Variants in RBM6 observed in about 807,000 individuals in gnomAD.
RBM6 encodes RNA-binding protein 6.
Under a neutral mutation model 140.4 loss-of-function variants are expected in RBM6, and 23 were observed. The observed-to-expected ratio is 0.16, with a 90% confidence interval of 0.12 to 0.23. The LOEUF (loss-of-function observed/expected upper bound fraction) is 0.23. Ranked by LOEUF, RBM6 falls within the 10% of genes least tolerant of loss-of-function variation. RBM6 has a pLI of 1.00. For missense variants in RBM6, 1,139 were observed against 1,386.7 expected (o/e 0.82, Z 2.84); for synonymous variants, 439 against 475.6 (o/e 0.92, Z 1.00).
intron 6 of RBM6, among the ~76,000 whole-genome samples, chr3:50,004,307 C>G (rs1046188340): frequency 1.3e-4 from 6 of 46,074 alleles, no homozygotes; most frequent in Admixed American, 7.6e-4. Context: ...TTTCTCCCCT[C>G]CCCCCCCTCC....
At chr3:49,962,431 C>CAAA in intron 1 of RBM6, 145 bp from the exon 2 acceptor site, 23 of 430,320 alleles carry the variant, frequency 5.3e-5, no homozygotes, top group Middle Eastern at 6.2e-4. Flanking sequence ...GACTCCATCT[C>CAAA]AAAAAAAAAA....
intron 6 of RBM6, among the ~76,000 whole-genome samples, chr3:50,046,611 G>A (rs576860526): frequency 6.6e-6 from 1 of 150,910 alleles, no homozygotes; most frequent in South Asian, 2.1e-4. Flanking sequence ...AGGAGGGGGC[G>A]CTTCATCTTG....
At chr3:49,971,503 G>A (rs2084792334) in intron 3 of RBM6, among the ~76,000 whole-genome samples, 1 of 150,474 alleles carries the variant, frequency 6.6e-6, no homozygotes, top group South Asian at 2.1e-4. Context: ...AGTACTGCTA[G>A]TTTACAGCCC....
chr3:49,943,376 C>T (rs2083366231), intron 1 of RBM6, among the ~76,000 whole-genome samples: 1 of 152,050 alleles, frequency 6.6e-6, no homozygotes, highest in Admixed American at 6.6e-5. Context: ...AGTCATGGCT[C>T]ACTGCAGCCT....
chr3:50,044,390 G>A (rs2089113376), intron 6 of RBM6, among the ~76,000 whole-genome samples: 1 of 152,044 alleles, frequency 6.6e-6, no homozygotes, highest in Non-Finnish European at 1.5e-5. Flanking sequence ...TTGGGAGGCT[G>A]AGGCGGGTGG....
At chr3:50,060,788 C>T (rs1487456782) in intron 11 of RBM6, 168 bp from the exon 12 acceptor site, 5 of 393,754 alleles carry the variant, frequency 1.3e-5, no homozygotes, top group Non-Finnish European at 2.2e-5. Context: ...AGTCTTACTG[C>T]TCATTCTTTC....
intron 1 of RBM6, among the ~76,000 whole-genome samples, chr3:49,956,328 C>CTTTTTTTTTTTT (rs34467093): frequency 4.2e-5 from 3 of 72,006 alleles, no homozygotes; most frequent in Non-Finnish European, 7.6e-5. Flanking sequence ...CCCTCCCCCG[C>CTTTTTTTTTTTT]TTTTTTTTTT....
chr3:50,043,225 T>C (rs2089025568), intron 6 of RBM6, among the ~76,000 whole-genome samples: 1 of 152,188 alleles, frequency 6.6e-6, no homozygotes, highest in Admixed American at 6.5e-5. Flanking sequence ...GGCTCATGCC[T>C]GTAATCCCAG....
At chr3:49,952,921 A>G (rs2083802837) in intron 1 of RBM6, among the ~76,000 whole-genome samples, 1 of 152,146 alleles carries the variant, frequency 6.6e-6, no homozygotes, top group Non-Finnish European at 1.5e-5. Context: ...ATTTAAACCA[A>G]AAAATTGTAG....
In RBM6 at chr3:50,075,262, C is replaced by A. The variant is rs748528505; in HGVS notation, c.3178C>A (p.Gln1060Lys). The stretch of plus-strand genomic sequence containing the variant: ...TAGCAGCAAAGGAGGCTGTGTCCAA[C>A]AGGCTACTGGCTGGAGGAAAGGGAC... ...DTSSKGGCVQ[Q>K]ATGWRKGTGL... is the part of the protein sequence containing the mutation. The change falls in exon 20 of 21, where the codon CAG becomes AAG. Residue 1060 changes from glutamine (Q) to lysine (K), a missense_variant. Gln to Lys is a moderately conservative substitution (Grantham distance 53). Transcript: ENST00000266022. The A allele has an allele frequency of 1.9e-6, 3 of 1,613,980 alleles. No individual in the cohort carries two copies. Among genetic ancestry groups the A allele is most frequent in the Admixed American group, 1.7e-5 (1 of 59,980 alleles).
chr3:49,946,617 C>T (rs2083496843), intron 1 of RBM6, among the ~76,000 whole-genome samples: 1 of 152,032 alleles, frequency 6.6e-6, no homozygotes, highest in African/African-American at 2.4e-5. Flanking sequence ...CTCACTGCAA[C>T]CTCTGCCTCC....
intron 6 of RBM6, among the ~76,000 whole-genome samples, chr3:50,030,893 G>A (rs2088113583): frequency 6.6e-6 from 1 of 152,104 alleles, no homozygotes; most frequent in Non-Finnish European, 1.5e-5. Flanking sequence ...GTAGAAGGAT[G>A]GTTACCAGAG....
At position 50,055,725 on chromosome 3, in the gene RBM6, A is replaced by G. The variant is rs139483937; in HGVS notation, c.1693+1330A>G. On this transcript the variant is annotated intron_variant, in intron 8 of 20. Coordinates refer to ENST00000266022, the MANE Select transcript of RBM6 (RefSeq NM_005777.3). Reference sequence around the variant, plus strand: ...CTCTTTTACATTCTGTAAGCATTTCAGGATTTTCAAGAGAAAAACATTTGT... The same window carrying G: ...CTCTTTTACATTCTGTAAGCATTTCGGGATTTTCAAGAGAAAAACATTTGT... 4.6e-3 allele frequency among the ~76,000 whole-genome samples: 697 copies of G among 152,352 alleles called. 1 individual carries two copies. Among genetic ancestry groups the G allele is most frequent in the Non-Finnish European group, 7.0e-3 (479 of 68,040 alleles).
chr3:49,948,023 G>GT (rs1396597119), intron 1 of RBM6, among the ~76,000 whole-genome samples: 1 of 152,098 alleles, frequency 6.6e-6, no homozygotes, highest in Non-Finnish European at 1.5e-5. Context: ...GAACTGGGAG[G>GT]TGGAGGCTGC....
intron 5 of RBM6, among the ~76,000 whole-genome samples, chr3:49,992,712 T>C (rs1449294764): frequency 6.6e-6 from 1 of 152,214 alleles, no homozygotes; most frequent in Non-Finnish European, 1.5e-5. Context: ...ATAATTGATG[T>C]ACCTGATATT....
intron 6 of RBM6, among the ~76,000 whole-genome samples, chr3:50,020,960 C>T (rs1403059238): frequency 6.6e-6 from 1 of 152,124 alleles, no homozygotes; most frequent in Non-Finnish European, 1.5e-5. Flanking sequence ...TCTTCTTTAG[C>T]TTGTGTGTTA....
At chr3:50,003,735 G>C (rs2108747989) in intron 6 of RBM6, among the ~76,000 whole-genome samples, 1 of 152,286 alleles carries the variant, frequency 6.6e-6, no homozygotes, top group East Asian at 1.9e-4. Context: ...TGTGGTGACC[G>C]ATCAGGGTAT....
intron 5 of RBM6, 141 bp from the exon 6 acceptor site, chr3:49,999,299 A>G (rs1331213372): frequency 3.0e-6 from 2 of 659,214 alleles, no homozygotes; most frequent in Non-Finnish European, 5.4e-6. Context: ...TTGGGGTAGC[A>G]ACTTTACCTA....
At chr3:49,996,082 G>A (rs957675420) in intron 5 of RBM6, among the ~76,000 whole-genome samples, 6 of 152,120 alleles carry the variant, frequency 3.9e-5, no homozygotes, top group East Asian at 1.9e-4. Flanking sequence ...GTGAGCATGG[G>A]CAGTGGGGAT....
Sources: gnomAD v4.1 joint callset for allele counts (sites outside exome capture counted in the v4.1 genomes callset) on GRCh38, gnomAD v4.1.1 for gene constraint, MANE v1.5 for transcripts, NCBI Gene and HGNC (gene_info 2026-07-23, HGNC 2026-07-21) for gene names.